The following UBE2R2 variants were observed in gnomAD, a reference collection of about 807,000 sequenced individuals.
UBE2R2 encodes ubiquitin conjugating enzyme E2 R2, also known as ubiquitin-conjugating enzyme E2 R2.
Under a neutral mutation model 27.8 loss-of-function variants are expected in UBE2R2, and 1 was observed. That is an observed-to-expected ratio of 0.04 (90% CI 0.01 to 0.17). UBE2R2 has a LOEUF of 0.17. UBE2R2 is among the 10% of genes least tolerant of loss of function. The pLI is 1.00. For missense variants in UBE2R2, 100 were observed against 291.0 expected (o/e 0.34, Z 4.78); for synonymous variants, 106 against 113.3 (o/e 0.94, Z 0.41).
intron 1 of UBE2R2, among the ~76,000 whole-genome samples, chr9:33,831,642 C>T (rs1354062268): frequency 6.6e-6 from 1 of 151,960 alleles, no homozygotes; most frequent in Non-Finnish European, 1.5e-5. Flanking sequence ...GTCTCGAACT[C>T]TTATTTTATT....
At chr9:33,840,348 A>T (rs904480440) in intron 1 of UBE2R2, among the ~76,000 whole-genome samples, 1 of 152,156 alleles carries the variant, frequency 6.6e-6, no homozygotes, top group Non-Finnish European at 1.5e-5. Context: ...ATCACCGTGT[A>T]CATTCTTAGA....
chr9:33,861,744 G>C (rs1821241410), intron 1 of UBE2R2, among the ~76,000 whole-genome samples: 1 of 151,576 alleles, frequency 6.6e-6, no homozygotes, highest in Admixed American at 6.6e-5. Context: ...AATGTTTTTT[G>C]ATGGAGTAAA....
At chr9:33,891,047 G>GTTTTTTTTTTTTT (rs1554676109) in intron 2 of UBE2R2, among the ~76,000 whole-genome samples, 2 of 126,412 alleles carry the variant, frequency 1.6e-5, no homozygotes, top group East Asian at 5.4e-4. Context: ...TTGTTGTTGT[G>GTTTTTTTTTTTTT]TTTTTTTGTT....
intron 1 of UBE2R2, among the ~76,000 whole-genome samples, chr9:33,837,331 A>G (rs1050496347): frequency 7.3e-5 from 11 of 151,162 alleles, no homozygotes; most frequent in African/African-American, 2.7e-4. Flanking sequence ...CGATATTCTT[A>G]TCTCAGCCCC....
At chr9:33,887,717 G>A (rs1208770269) in intron 2 of UBE2R2, among the ~76,000 whole-genome samples, 1 of 152,136 alleles carries the variant, frequency 6.6e-6, no homozygotes, top group Non-Finnish European at 1.5e-5. Context: ...TGTAGCCCAG[G>A]CTGGAGTGCA....
chr9:33,817,732 GCGCCGCCGC>G lies in UBE2R2; in HGVS notation c.-10_-2del, dbSNP rs541354260. ...GCGTGAGGACTGGGGCCCGGGCCCG[GCGCCGCCGC>G]CGCCGCCGCCGCCGCGATGGCCCAG... On this transcript the variant is annotated 5_prime_UTR_variant, in exon 1 of 5. Coordinates refer to ENST00000263228, the MANE Select transcript of UBE2R2 (RefSeq NM_017811.4). 2.2e-4 allele frequency: 322 copies of G among 1,489,172 alleles called. No individual in the cohort carries two copies. The highest frequency in any genetic ancestry group is 9.2e-4 in the Middle Eastern group (4 of 4,352). The allele number at this position is 1,489,172 out of a possible 1,614,324, so 92.2% of individuals were successfully genotyped here. A position where few individuals can be genotyped will look rare whatever the true frequency, so the allele number is the denominator to read the frequency against.
In UBE2R2 at chr9:33,917,010, C is replaced by T. The variant is rs374712178; in HGVS notation, c.498-8C>T. ...CCGTAAACCATTTCTGTGTCAACCT[C>T]CCTTCAGGAAACAAGTTTCAGCCAC... On this transcript the variant is annotated splice_region_variant and splice_polypyrimidine_tract_variant and intron_variant, in intron 4 of 4. Coordinates refer to ENST00000263228, the MANE Select transcript of UBE2R2 (RefSeq NM_017811.4). 8.1e-6 allele frequency: 13 copies of T among 1,613,964 alleles called. No individual in the cohort carries two copies. The African/African-American group carries it at 9.3e-5, about 12-fold the overall frequency.
intron 1 of UBE2R2, among the ~76,000 whole-genome samples, chr9:33,854,744 G>T (rs1821060861): frequency 6.7e-6 from 1 of 148,984 alleles, no homozygotes; most frequent in African/African-American, 2.5e-5. Flanking sequence ...TCCAAGACAG[G>T]GTCTCACTCT....
At chr9:33,889,672 C>T (rs533132036) in intron 2 of UBE2R2, among the ~76,000 whole-genome samples, 1 of 152,278 alleles carries the variant, frequency 6.6e-6, no homozygotes, top group South Asian at 2.1e-4. Context: ...AAACTTTTGT[C>T]TTGCAATTGA....
chr9:33,842,779 G>A (rs1820757187), intron 1 of UBE2R2, among the ~76,000 whole-genome samples: 1 of 152,020 alleles, frequency 6.6e-6, no homozygotes. Flanking sequence ...ACGTGGAAGC[G>A]CTACAATTGC....
chr9:33,822,636 G>A (rs1409244548), intron 1 of UBE2R2, among the ~76,000 whole-genome samples: 2 of 151,354 alleles, frequency 1.3e-5, no homozygotes, highest in African/African-American at 4.9e-5. Flanking sequence ...CATAGGCCAG[G>A]CTGGTCTCGA....
chr9:33,863,022 A>T (rs1018283783), intron 1 of UBE2R2, among the ~76,000 whole-genome samples: 12 of 151,956 alleles, frequency 7.9e-5, no homozygotes, highest in Non-Finnish European at 1.5e-5. Context: ...CCACATCTCT[A>T]CTAAAAATAC....
intron 1 of UBE2R2, among the ~76,000 whole-genome samples, chr9:33,848,001 C>G (rs552035389): frequency 6.6e-6 from 1 of 151,716 alleles, no homozygotes; most frequent in Non-Finnish European, 1.5e-5. Flanking sequence ...GTGATCCACC[C>G]GCCTCTGACT....
intron 1 of UBE2R2, among the ~76,000 whole-genome samples, chr9:33,838,791 G>A (rs895550050): frequency 2.6e-5 from 4 of 151,832 alleles, no homozygotes; most frequent in African/African-American, 9.7e-5. Context: ...TTACATAGTT[G>A]CTGTGGTCTG....
intron 1 of UBE2R2, among the ~76,000 whole-genome samples, chr9:33,864,023 A>T (rs868796641): frequency 3.9e-5 from 6 of 152,076 alleles, no homozygotes; most frequent in Admixed American, 3.9e-4. Context: ...GGGTTTCACC[A>T]TGTTGGCCAG....
chr9:33,849,334 C>T (rs911314937), intron 1 of UBE2R2, among the ~76,000 whole-genome samples: 1 of 152,042 alleles, frequency 6.6e-6, no homozygotes, highest in Non-Finnish European at 1.5e-5. Context: ...GGGAAATATC[C>T]TTATCTTTTT....
chr9:33,884,829 A>G (rs905478064), intron 1 of UBE2R2, among the ~76,000 whole-genome samples: 6 of 152,062 alleles, frequency 3.9e-5, no homozygotes, highest in African/African-American at 1.2e-4. Flanking sequence ...ATTTTGCTGA[A>G]AACTAGAAAT....
intron 1 of UBE2R2, among the ~76,000 whole-genome samples, chr9:33,840,921 A>G (rs1408023849): frequency 6.6e-6 from 1 of 151,862 alleles, no homozygotes; most frequent in African/African-American, 2.4e-5. Flanking sequence ...TATTTAATTT[A>G]ATTTAATTAA....
At chr9:33,891,383 C>T (rs1045313278) in intron 2 of UBE2R2, among the ~76,000 whole-genome samples, 3 of 151,502 alleles carry the variant, frequency 2.0e-5, no homozygotes, top group East Asian at 2.0e-4. Context: ...TGGTGGCTTA[C>T]GCCTGTAATC....
Sources: gnomAD v4.1 joint callset for allele counts (sites outside exome capture counted in the v4.1 genomes callset) on GRCh38, gnomAD v4.1.1 for gene constraint, MANE v1.5 for transcripts, NCBI Gene and HGNC (gene_info 2026-07-23, HGNC 2026-07-21) for gene names.